FCHSD2: variants seen among roughly 807,000 people sequenced by gnomAD.
FCHSD2 encodes FCH and double SH3 domains 2.
In FCHSD2, 38 loss-of-function variants were observed where a neutral mutation model predicts 108.1. The observed-to-expected ratio is 0.35, with a 90% CI of 0.27 to 0.46. FCHSD2 has a LOEUF of 0.46. FCHSD2 is among the 20% of genes least tolerant of loss of function. The pLI, the probability that FCHSD2 is intolerant of heterozygous loss-of-function variation, is 1.00. For synonymous variants in FCHSD2, 279 were observed against 314.7 expected (o/e 0.89, Z 1.20); for missense variants, 751 against 897.8 (o/e 0.84, Z 2.09).
At chr11:72,953,278 A>C (rs189815053) in intron 8 of FCHSD2, among the ~76,000 whole-genome samples, 4 of 152,338 alleles carry the variant, frequency 2.6e-5, no homozygotes, top group Non-Finnish European at 5.9e-5. Context: ...CCAGAAACCT[A>C]CTGCTGGTGA....
chr11:73,037,769 TAG>T (rs1476839200), intron 3 of FCHSD2, among the ~76,000 whole-genome samples: 1 of 152,202 alleles, frequency 6.6e-6, no homozygotes, highest in Non-Finnish European at 1.5e-5. Context: ...ATTCTGAATA[TAG>T]GAGTCCTCAT....
chr11:73,059,398 G>A (rs1180381014), intron 3 of FCHSD2, among the ~76,000 whole-genome samples: 4 of 151,948 alleles, frequency 2.6e-5, no homozygotes, highest in Non-Finnish European at 2.9e-5. Flanking sequence ...GTTGTAGGAC[G>A]GGCTAAAGAA....
intron 2 of FCHSD2, among the ~76,000 whole-genome samples, chr11:73,117,516 T>C (rs543498847): frequency 1.3e-5 from 2 of 152,366 alleles, no homozygotes; most frequent in African/African-American, 4.8e-5. Context: ...TCCTTTTGAA[T>C]CATACCCTAC....
intron 13 of FCHSD2, among the ~76,000 whole-genome samples, chr11:72,863,013 T>C (rs553876170): frequency 3.3e-5 from 5 of 152,152 alleles, no homozygotes; most frequent in Non-Finnish European, 4.4e-5. Context: ...ACCTTGAACT[T>C]CTGGGTTCAA....
chr11:72,882,578 G>C (rs559737261), intron 12 of FCHSD2, among the ~76,000 whole-genome samples: 1 of 152,278 alleles, frequency 6.6e-6, no homozygotes, highest in South Asian at 2.1e-4. Context: ...TGTCTGAGGT[G>C]ATAGATATCT....
chr11:73,138,453 G>A (rs1415829099), intron 2 of FCHSD2, among the ~76,000 whole-genome samples: 4 of 151,962 alleles, frequency 2.6e-5, no homozygotes, highest in Non-Finnish European at 5.9e-5. Flanking sequence ...TACCCCACAC[G>A]GGATCTTCAC....
chr11:72,860,036 T>C (rs913212525), intron 13 of FCHSD2, among the ~76,000 whole-genome samples: 7 of 152,160 alleles, frequency 4.6e-5, no homozygotes, highest in Non-Finnish European at 8.8e-5. Context: ...TCTCAGATCA[T>C]CAGGTATTAG....
chr11:72,843,668 T>C, intron 14 of FCHSD2, 136 bp from the exon 15 acceptor site: 1 of 641,028 alleles, frequency 1.6e-6, no homozygotes. Context: ...ATTTAAATGC[T>C]GTAAAACTTT....
intron 9 of FCHSD2, among the ~76,000 whole-genome samples, chr11:72,910,645 C>T (rs1855744776): frequency 1.3e-5 from 2 of 151,968 alleles, no homozygotes; most frequent in Admixed American, 6.6e-5. Flanking sequence ...TAAGAGTCAT[C>T]ACCACTCCCT....
At chr11:72,928,832 A>C (rs1032916085) in intron 8 of FCHSD2, among the ~76,000 whole-genome samples, 1 of 141,570 alleles carries the variant, frequency 7.1e-6, no homozygotes, top group African/African-American at 2.5e-5. Flanking sequence ...GTAACTCGTC[A>C]TTTAGCATTA....
intron 8 of FCHSD2, among the ~76,000 whole-genome samples, chr11:72,970,457 C>T (rs1364944316): frequency 6.6e-6 from 1 of 152,174 alleles, no homozygotes; most frequent in Non-Finnish European, 1.5e-5. Context: ...ATCATGTGTT[C>T]ACATTTTAAC....
intron 3 of FCHSD2, among the ~76,000 whole-genome samples, chr11:73,070,148 G>A (rs1203458441): frequency 6.6e-6 from 1 of 152,218 alleles, no homozygotes; most frequent in Non-Finnish European, 1.5e-5. Flanking sequence ...AAACAAAGAT[G>A]TTCCTAGCCT....
chr11:73,002,546 G>A (rs1857647044), intron 4 of FCHSD2, among the ~76,000 whole-genome samples: 1 of 152,000 alleles, frequency 6.6e-6, no homozygotes, highest in Admixed American at 6.6e-5. Flanking sequence ...GAAAAATTCA[G>A]TACTATGATT....
chr11:73,014,244 G>A (rs1421996741), intron 4 of FCHSD2, among the ~76,000 whole-genome samples: 1 of 146,730 alleles, frequency 6.8e-6, no homozygotes, highest in South Asian at 2.1e-4. Context: ...CGATCGTCCT[G>A]CCTTAGCCTC....
chr11:73,000,250 T>C (rs1435052133), intron 5 of FCHSD2, among the ~76,000 whole-genome samples: 1 of 152,210 alleles, frequency 6.6e-6, no homozygotes, highest in Non-Finnish European at 1.5e-5. Flanking sequence ...ATAATTACTT[T>C]AATATTTTCT....
chr11:73,100,843 T>G (rs1860207402), intron 2 of FCHSD2, among the ~76,000 whole-genome samples: 1 of 151,728 alleles, frequency 6.6e-6, no homozygotes, highest in Non-Finnish European at 1.5e-5. Flanking sequence ...CATTCCTTTT[T>G]TTAGATGCTT....
intron 17 of FCHSD2, 84 bp from the exon 18 acceptor site, chr11:72,841,667 G>C (rs2135152082): frequency 7.4e-7 from 1 of 1,350,686 alleles, no homozygotes. Context: ...CTGTACTCAT[G>C]CCTTTTCTCT....
chr11:72,901,545 C>A (rs950848428), intron 10 of FCHSD2, among the ~76,000 whole-genome samples: 5 of 152,040 alleles, frequency 3.3e-5, no homozygotes, highest in African/African-American at 1.2e-4. Flanking sequence ...GTCAGGATTT[C>A]TTTTTAAAGT....
chr11:72,849,848 T>G lies in FCHSD2; in HGVS notation c.1350A>C (p.Glu450Asp), dbSNP rs1192006860. The part of the protein sequence containing the change: ...DTEREEGEEF[E>D]DNMDVFDDSS... ...TGTCATCGAAAACATCCATGTTATC[T>G]TCAAACTCTTCGCCTTCTTCTCTTT... Residue 450 changes from glutamate (E) to aspartate (D), a missense_variant, in exon 14 of 20, where the codon GAA becomes GAC. Glu to Asp is a conservative substitution (Grantham distance 45). Coordinates refer to ENST00000409418, the MANE Select transcript of FCHSD2 (RefSeq NM_014824.3). 1.9e-6 allele frequency: 3 copies of G among 1,613,164 alleles called. No homozygotes were observed. Among genetic ancestry groups the G allele is most frequent in the East Asian group, 2.2e-5 (1 of 44,886 alleles).
Sources: allele counts gnomAD v4.1 joint callset (sites outside exome capture counted in the v4.1 genomes callset), GRCh38; gene constraint gnomAD v4.1.1; transcripts MANE v1.5; gene names NCBI Gene and HGNC (gene_info 2026-07-23, HGNC 2026-07-21).